Variants in CSF2 observed in about 807,000 individuals in gnomAD.
CSF2 encodes colony stimulating factor 2, also known as granulocyte-macrophage colony-stimulating factor.
Under a neutral mutation model 13.5 loss-of-function variants are expected in CSF2, and 2 were observed. The observed-to-expected ratio is 0.15, with a 90% CI of 0.06 to 0.47. CSF2 has a LOEUF of 0.47. CSF2 is among the 20% of genes least tolerant of loss of function. The probability of loss-of-function intolerance (pLI) is 0.97; values close to 1 mark genes in which losing one functional copy is unlikely to be tolerated. For missense variants in CSF2, 141 were observed against 179.7 expected, an observed-to-expected ratio of 0.78 and a Z score of 1.23; for synonymous variants, 66 against 69.2, an observed-to-expected ratio of 0.95 and a Z score of 0.23.
In CSF2 at chr5:132,075,929, C is replaced by G; in HGVS notation, c.*77C>G. The G allele has an allele frequency of 8.3e-7, 1 of 1,206,426 alleles. No individual in the cohort carries two copies. The highest frequency in any genetic ancestry group is 1.2e-5 in the South Asian group (1 of 82,880). The allele number at this position is 1,206,426 out of a possible 1,614,324, so 74.7% of individuals were successfully genotyped here. On this transcript the variant is annotated 3_prime_UTR_variant, in exon 4 of 4. Coordinates refer to ENST00000296871, the MANE Select transcript of CSF2 (RefSeq NM_000758.4). The stretch of plus-strand genomic sequence containing the variant: ...AGAGCTAGAAACTCAGGATGGTCAT[C>G]TTGGAGGGACCAAGGGGTGGGCCAC...
rs1756668741 is a variant in CSF2, at chr5:132,073,991, G to C, written c.159+9G>C. 1.2e-6 allele frequency: 2 copies of C among 1,613,688 alleles called. No homozygotes were observed. Among genetic ancestry groups the C allele is most frequent in the African/African-American group, 1.3e-5 (1 of 75,070 alleles). ...ACACTGCTGCTGAGATGGTAAGTGAGAGAATGTGGGCCTGTGCCTAGGCCA... is the reference window on the plus strand; with the variant it reads ...ACACTGCTGCTGAGATGGTAAGTGACAGAATGTGGGCCTGTGCCTAGGCCA... On this transcript the variant is annotated intron_variant, in intron 1 of 3. Transcript: ENST00000296871.
In CSF2 at chr5:132,074,878, C is replaced by T. The variant is rs1561836296; in HGVS notation, c.270C>T (p.Leu90=). 1 of 1,613,520 alleles carries T rather than the reference C, an allele frequency of 6.2e-7. No homozygotes were observed. The highest frequency in any genetic ancestry group is 8.5e-7 in the Non-Finnish European group (1 of 1,180,038). ...GCCTGCGGGGCAGCCTCACCAAGCT[C>T]AAGGGCCCCTTGACCATGATGGCCA... ...KQGLRGSLTK[L]KGPLTMMASH... The change falls in exon 3 of 4, where the codon CTC becomes CTT. Residue 90 remains leucine (L), a synonymous_variant. Coordinates refer to ENST00000296871, the MANE Select transcript of CSF2 (RefSeq NM_000758.4).
At chr5:132,074,781 T>C in intron 2 of CSF2, 29 bp from the exon 3 acceptor site, 1 of 1,613,778 alleles carries the variant, frequency 6.2e-7, no homozygotes, top group Non-Finnish European at 8.5e-7. Context: ...ACTTGGCCAC[T>C]GCTCACCGAC....
rs1756703038 is a variant in CSF2 at position 132,076,138 on chromosome 5, T to C, written c.*286T>C. ...CATATTTATTCAAGATGTTTTACCG[T>C]AATAATTATTATTAAAAATATGCTT... is the stretch of plus-strand genomic sequence containing the variant. On this transcript the variant is annotated 3_prime_UTR_variant, in exon 4 of 4. Coordinates refer to ENST00000296871, the MANE Select transcript of CSF2 (RefSeq NM_000758.4). 1 of 154,628 alleles carries C rather than the reference T, an allele frequency of 6.5e-6. No homozygotes were observed. The highest frequency in any genetic ancestry group is 2.4e-5 in the African/African-American group (1 of 41,484). The allele number at this position is 154,628 out of a possible 1,614,324, so 9.6% of individuals were successfully genotyped here.
rs528711260 is a variant in CSF2, at chr5:132,074,934, C to G, written c.326C>G (p.Pro109Arg). The part of the protein sequence containing the change: ...SHYKQHCPPT[P>R]ETSCATQIIT... ...TACAAGCAGCACTGCCCTCCAACCC[C>G]GGTGAGTGCCTACGGCAGGGCCTCC... Residue 109 changes from proline to arginine, a missense_variant and splice_region_variant, in exon 3 of 4, where the codon CCG becomes CGG. Transcript: ENST00000296871. 19 of 1,613,468 alleles carry G rather than the reference C, an allele frequency of 1.2e-5. No individual in the cohort carries two copies. Among genetic ancestry groups the G allele is most frequent in the African/African-American group, 5.3e-5 (4 of 75,050 alleles).
chr5:132,074,214 TC>T, intron 2 of CSF2, 92 bp downstream of exon 2: 1 of 1,419,412 alleles, frequency 7.0e-7, no homozygotes. Context: ...CACAGGGTTG[TC>T]CACTTTCTCT....
chr5:132,075,616 G>T, intron 3 of CSF2, 129 bp from the exon 4 acceptor site: 1 of 725,182 alleles, frequency 1.4e-6, no homozygotes, highest in South Asian at 1.6e-5. Flanking sequence ...CAGGTCAGTG[G>T]GTGTGTCCTG....
chr5:132,075,778 G>C lies in CSF2; in HGVS notation c.361G>C (p.Glu121Gln). The C allele has an allele frequency of 1.2e-6, 2 of 1,610,548 alleles. No individual in the cohort carries two copies. The highest frequency in any genetic ancestry group is 1.7e-6 in the Non-Finnish European group (2 of 1,179,870). The change falls in exon 4 of 4, where the codon GAA becomes CAA. Residue 121 changes from glutamate to glutamine, a missense_variant. Glu to Gln is a conservative substitution (Grantham distance 29). Coordinates refer to ENST00000296871, the MANE Select transcript of CSF2 (RefSeq NM_000758.4). ...TSCATQIITFESFKENLKDFL... is the reference protein window; with the variant it reads ...TSCATQIITFQSFKENLKDFL... ...CTGTGCAACCCAGATTATCACCTTT[G>C]AAAGTTTCAAAGAGAACCTGAAGGA...
chr5:132,074,826 A>G lies in CSF2; in HGVS notation c.218A>G (p.Gln73Arg). ...TTTCCACAGGAGCCGACCTGCCTAC[A>G]GACCCGCCTGGAGCTGTACAAGCAG... ...MFDLQEPTCL[Q>R]TRLELYKQGL... is the part of the protein sequence containing the mutation. Residue 73 changes from glutamine to arginine, a missense_variant, in exon 3 of 4, where the codon CAG (glutamine) becomes CGG (arginine). Physicochemically the swap from Gln to Arg is conservative, Grantham distance 43 (BLOSUM62 1). Coordinates refer to ENST00000296871, the MANE Select transcript of CSF2 (RefSeq NM_000758.4). 6.2e-7 allele frequency: 1 copy of G among 1,613,868 alleles called. No individual in the cohort carries two copies. Among genetic ancestry groups the G allele is most frequent in the Non-Finnish European group, 8.5e-7 (1 of 1,180,022 alleles).
rs1756670572 is a variant in CSF2, at chr5:132,074,130, G to T, written c.201+8G>T. Reference sequence around the variant, plus strand: ...GAAATGTTTGACCTCCAGGTAAGATGCTTCTCTCTGACATAGCTTTCCAGA... The same window carrying T: ...GAAATGTTTGACCTCCAGGTAAGATTCTTCTCTCTGACATAGCTTTCCAGA... On this transcript the variant is annotated splice_region_variant and intron_variant, in intron 2 of 3. Transcript: ENST00000296871. 1 of 1,613,928 alleles carries T rather than the reference G, an allele frequency of 6.2e-7. No homozygotes were observed. The highest frequency in any genetic ancestry group is 8.5e-7 in the Non-Finnish European group (1 of 1,180,004).
intron 1 of CSF2, 28 bp downstream of exon 1, chr5:132,074,010 T>G (rs370362075): frequency 6.2e-7 from 1 of 1,613,746 alleles, no homozygotes; most frequent in South Asian, 1.1e-5. Context: ...GGCCTGTGCC[T>G]AGGCCACCCA....
At chr5:132,074,515 G>T (rs1478158175) in intron 2 of CSF2, among the ~76,000 whole-genome samples, 1 of 152,144 alleles carries the variant, frequency 6.6e-6, no homozygotes, top group Non-Finnish European at 1.5e-5. Flanking sequence ...TGCCCACCCA[G>T]CAGGTCCAGG....
In CSF2 at chr5:132,075,829, T is replaced by A; in HGVS notation, c.412T>A (p.Cys138Ser). The change falls in exon 4 of 4, where the codon TGC (cysteine) becomes AGC (serine). Residue 138 changes from cysteine (C) to serine (S), a missense_variant. Coordinates refer to ENST00000296871, the MANE Select transcript of CSF2 (RefSeq NM_000758.4). ...CTTTCTGCTTGTCATCCCCTTTGAC[T>A]GCTGGGAGCCAGTCCAGGAGTGAGA... The part of the protein sequence containing the change: ...KDFLLVIPFD[C>S]WEPVQE 6.2e-7 allele frequency: 1 copy of A among 1,610,818 alleles called. No individual in the cohort carries two copies. Among genetic ancestry groups the A allele is most frequent in the Non-Finnish European group, 8.5e-7 (1 of 1,179,720 alleles).
intron 3 of CSF2, 21 bp downstream of exon 3, chr5:132,074,956 C>T (rs1239066676): frequency 1.9e-6 from 3 of 1,613,026 alleles, no homozygotes; most frequent in South Asian, 1.1e-5. Context: ...ACGGCAGGGC[C>T]TCCAGCAGGA....
At chr5:132,075,214 AC>A (rs1756688033) in intron 3 of CSF2, among the ~76,000 whole-genome samples, 1 of 152,218 alleles carries the variant, frequency 6.6e-6, no homozygotes, top group Admixed American at 6.5e-5. Flanking sequence ...GTGAGGGCAA[AC>A]CCAAGGAAAC....
Position 132,075,969 on chromosome 5 carries a change from T to G in CSF2, c.*117T>G. ...GGGTGGGCCACAGCCATGGTGGGAG[T>G]GGCCTGGACCTGCCCTGGGCCACAC... On this transcript the variant is annotated 3_prime_UTR_variant, in exon 4 of 4. Transcript: ENST00000296871. The G allele has an allele frequency of 1.2e-6, 1 of 837,284 alleles. No individual in the cohort carries two copies. The highest frequency in any genetic ancestry group is 2.0e-6 in the Non-Finnish European group (1 of 492,152). 51.9% of individuals were successfully genotyped at this position (837,284 alleles called of 1,614,324 possible).
intron 2 of CSF2, 44 bp from the exon 3 acceptor site, chr5:132,074,766 T>C: frequency 6.2e-7 from 1 of 1,613,686 alleles, no homozygotes; most frequent in Non-Finnish European, 8.5e-7. Flanking sequence ...TGTACCACTG[T>C]GGGCACTTGG....
chr5:132,074,198 G>A (rs1756671346), intron 2 of CSF2, 76 bp downstream of exon 2: 2 of 1,505,398 alleles, frequency 1.3e-6, no homozygotes, highest in African/African-American at 1.4e-5. Context: ...ATTTTAGATG[G>A]CACCACACAG....
At chr5:132,075,011 G>C in intron 3 of CSF2, 76 bp downstream of exon 3, 1 of 1,606,564 alleles carries the variant, frequency 6.2e-7, no homozygotes, top group Non-Finnish European at 8.5e-7. Context: ...AGAGATCTAT[G>C]GCTGTGGCTG....
Sources: allele counts gnomAD v4.1 joint callset (sites outside exome capture counted in the v4.1 genomes callset), GRCh38; gene constraint gnomAD v4.1.1; transcripts MANE v1.5; gene names NCBI Gene and HGNC (gene_info 2026-07-23, HGNC 2026-07-21).